The following HACL1 variants were observed in gnomAD, a reference collection of about 807,000 sequenced individuals.
HACL1 encodes the protein 1600020H07Rik.
A neutral mutation model predicts 74.2 loss-of-function variants in HACL1; 64 were observed. The ratio of observed to expected loss-of-function variants is 0.86; its 90% CI spans 0.70 to 1.06. The LOEUF (loss-of-function observed/expected upper bound fraction) is 1.06, where lower values mean the gene tolerates loss of function less well. Ranked by LOEUF, HACL1 falls within the 50% of genes least tolerant of loss-of-function variation. HACL1 has a pLI of 0.00. For missense variants in HACL1, 728 were observed against 719.7 expected (o/e 1.01, Z -0.13); for synonymous variants, 230 against 238.8 (o/e 0.96, Z 0.34).
intron 9 of HACL1, among the ~76,000 whole-genome samples, chr3:15,578,541 G>A (rs542809975): frequency 4.3e-4 from 65 of 152,300 alleles, no homozygotes; most frequent in Non-Finnish European, 8.1e-4. Flanking sequence ...TGCAAGCAGC[G>A]AAAACTTGCA....
intron 3 of HACL1, among the ~76,000 whole-genome samples, chr3:15,594,060 A>G (rs1429497485): frequency 6.6e-6 from 1 of 152,050 alleles, no homozygotes; most frequent in African/African-American, 2.4e-5. Flanking sequence ...CGGCCTCCCA[A>G]AGTGCTGGGA....
intron 8 of HACL1, 89 bp from the exon 9 acceptor site, chr3:15,580,134 T>C: frequency 1.9e-6 from 2 of 1,075,130 alleles, no homozygotes; most frequent in Non-Finnish European, 2.8e-6. Context: ...GCTTTTTACT[T>C]ATTTATATTT....
At chr3:15,600,099 T>C (rs1198576270) in intron 2 of HACL1, among the ~76,000 whole-genome samples, 2 of 152,240 alleles carry the variant, frequency 1.3e-5, no homozygotes, top group Admixed American at 1.3e-4. Context: ...AAGAATGTCA[T>C]TCAATAAAGA....
chr3:15,586,399 T>C, intron 6 of HACL1, 126 bp downstream of exon 6: 1 of 589,952 alleles, frequency 1.7e-6, no homozygotes, highest in Non-Finnish European at 3.1e-6. Flanking sequence ...TTTCTAACAA[T>C]GCCATTTTTA....
At chr3:15,562,961 T>A (rs968461349) in intron 16 of HACL1, among the ~76,000 whole-genome samples, 16 of 145,152 alleles carry the variant, frequency 1.1e-4, no homozygotes, top group African/African-American at 4.3e-4. Context: ...CGTTTAAGAA[T>A]CACCTCCTCT....
chr3:15,568,157 G>A (rs1574910188), intron 13 of HACL1, among the ~76,000 whole-genome samples, 155 bp from the exon 14 acceptor site: 1 of 152,118 alleles, frequency 6.6e-6, no homozygotes, highest in Non-Finnish European at 1.5e-5. Context: ...AGACTGCTAG[G>A]AACTAATTTG....
At chr3:15,592,319 T>C (rs1012519914) in intron 3 of HACL1, among the ~76,000 whole-genome samples, 2 of 150,304 alleles carry the variant, frequency 1.3e-5, no homozygotes, top group African/African-American at 4.9e-5. Flanking sequence ...TGTATACATA[T>C]ATGTATATAT....
chr3:15,590,195 T>A (rs555349364), intron 4 of HACL1, among the ~76,000 whole-genome samples: 1 of 152,302 alleles, frequency 6.6e-6, no homozygotes, highest in East Asian at 1.9e-4. Context: ...TCCAGGTATA[T>A]TGACATAAAA....
chr3:15,599,429 G>A (rs540121160), intron 2 of HACL1, among the ~76,000 whole-genome samples: 7 of 151,930 alleles, frequency 4.6e-5, no homozygotes, highest in East Asian at 1.9e-4. Flanking sequence ...ACCATGCCTC[G>A]CATCATCTTT....
rs1156613492 is a variant in HACL1 at position 15,560,712 on chromosome 3, TTC to T, written c.*151_*152del. 3.1e-5 allele frequency: 20 copies of T among 655,068 alleles called. No homozygotes were observed. In the African/African-American group the frequency reaches 3.7e-4, roughly 12 times the overall value. The allele number at this position is 655,068 out of a possible 1,614,324, so 40.6% of individuals were successfully genotyped here. On this transcript the variant is annotated 3_prime_UTR_variant, in exon 17 of 17. Coordinates refer to ENST00000321169, the MANE Select transcript of HACL1 (RefSeq NM_012260.4). Reference sequence around the variant, plus strand: ...TTTTTCTGTTACTTTTTCTAACTTTTTCTGTTTTTAATCAATTCCTTTACTGT... The same window carrying T: ...TTTTTCTGTTACTTTTTCTAACTTTTTGTTTTTAATCAATTCCTTTACTGT...
At chr3:15,568,706 C>T in intron 12 of HACL1, 120 bp from the exon 13 acceptor site, 2 of 647,088 alleles carry the variant, frequency 3.1e-6, no homozygotes, top group Non-Finnish European at 5.3e-6. Flanking sequence ...ACAAGGTTTC[C>T]AAATGGCTAT....
At chr3:15,562,565 AG>A (rs761379110) in intron 16 of HACL1, among the ~76,000 whole-genome samples, 1 of 152,220 alleles carries the variant, frequency 6.6e-6, no homozygotes, top group Non-Finnish European at 1.5e-5. Flanking sequence ...GAACCAAGAC[AG>A]AAAGTACTTG....
chr3:15,582,633 T>C (rs548182512), intron 8 of HACL1, among the ~76,000 whole-genome samples: 1 of 152,312 alleles, frequency 6.6e-6, no homozygotes, highest in East Asian at 1.9e-4. Flanking sequence ...TGTTTTATAA[T>C]AGAATAAGCA....
At chr3:15,593,536 C>A (rs79151331) in intron 3 of HACL1, among the ~76,000 whole-genome samples, 2 of 151,982 alleles carry the variant, frequency 1.3e-5, no homozygotes, top group South Asian at 4.2e-4. Context: ...AGAAAGATAT[C>A]GGATTTCTTG....
intron 9 of HACL1, among the ~76,000 whole-genome samples, chr3:15,578,431 G>C (rs1274738111): frequency 6.6e-6 from 1 of 152,226 alleles, no homozygotes; most frequent in Non-Finnish European, 1.5e-5. Flanking sequence ...GATTGGCTAA[G>C]TTTGAAGAAG....
intron 14 of HACL1, among the ~76,000 whole-genome samples, chr3:15,567,368 T>TCTGG (rs771921951): frequency 6.6e-6 from 1 of 151,134 alleles, no homozygotes; most frequent in Non-Finnish European, 1.5e-5. Flanking sequence ...CATCACTGCG[T>TCTGG]CTGGCTAATT....
At position 15,573,235 on chromosome 3, in the gene HACL1, A is replaced by G. The variant is rs2063567894; in HGVS notation, c.917T>C (p.Ile306Thr). Residue 306 changes from isoleucine to threonine, a missense_variant, in exon 11 of 17, where the codon ATC becomes ACC. Ile to Thr is a moderately conservative substitution (Grantham distance 89). Transcript: ENST00000321169. ...ATTATTCCCCAATTCTTCTGCACAG[A>G]TATCAACCTAAAAAAGAGACAAGGC... The part of the protein sequence containing the change: ...QPDVKFIQVD[I>T]CAEELGNNVK... The G allele has an allele frequency of 1.3e-6, 2 of 1,598,492 alleles. No homozygotes were observed. The highest frequency in any genetic ancestry group is 2.2e-5 in the East Asian group (1 of 44,694).
intron 9 of HACL1, among the ~76,000 whole-genome samples, chr3:15,578,376 CA>C: frequency 6.6e-6 from 1 of 152,048 alleles, no homozygotes; most frequent in Non-Finnish European, 1.5e-5. Context: ...TATTAAAAAG[CA>C]TGCCTTAAAA....
At chr3:15,571,526 CCT>C (rs771678934) in intron 12 of HACL1, 140 bp downstream of exon 12, 10 of 654,422 alleles carry the variant, frequency 1.5e-5, no homozygotes, top group Non-Finnish European at 2.2e-5. Flanking sequence ...CCACTAAATC[CCT>C]TTTTCCATGA....
Sources: allele counts gnomAD v4.1 joint callset (sites outside exome capture counted in the v4.1 genomes callset), GRCh38; gene constraint gnomAD v4.1.1; transcripts MANE v1.5; gene names NCBI Gene and HGNC (gene_info 2026-07-23, HGNC 2026-07-21).